Variants in INTS8 observed in about 807,000 individuals in gnomAD.
INTS8 encodes the protein protein kaonashi-1.
A neutral mutation model predicts 138.9 loss-of-function variants in INTS8; 47 were observed. That is an observed-to-expected ratio of 0.34 (90% CI 0.27 to 0.43). The LOEUF (loss-of-function observed/expected upper bound fraction) is 0.43. INTS8 is among the 20% of genes least tolerant of loss of function. INTS8 has a pLI of 1.00. For missense variants in INTS8, 996 were observed against 1,173.0 expected (o/e 0.85, Z 2.20); for synonymous variants, 392 against 400.9 (o/e 0.98, Z 0.27).
Position 94,859,493 on chromosome 8 carries a change from T to C in INTS8, c.1955-18T>C, listed in dbSNP as rs762651763. On this transcript the variant is annotated intron_variant, in intron 15 of 26. Coordinates refer to ENST00000523731, the MANE Select transcript of INTS8 (RefSeq NM_017864.4). ...TGTTGTGATGGTAATTCCAACTGTT[T>C]TCTTCTTTGCTTTTTAGATATTCCT... 8 of 1,609,832 alleles carry C rather than the reference T, an allele frequency of 5.0e-6. No homozygotes were observed. In the East Asian group the frequency reaches 1.6e-4, roughly 31 times the overall value.
intron 16 of INTS8, among the ~76,000 whole-genome samples, chr8:94,862,031 C>T (rs183667473): frequency 6.6e-6 from 1 of 152,196 alleles, no homozygotes; most frequent in Non-Finnish European, 1.5e-5. Flanking sequence ...ACCTCTACCT[C>T]CCAGTTTCAA....
In INTS8 at chr8:94,824,873, T is replaced by C. The variant is rs373130749; in HGVS notation, c.131-20T>C. On this transcript the variant is annotated intron_variant, in intron 1 of 26. Coordinates refer to ENST00000523731, the MANE Select transcript of INTS8 (RefSeq NM_017864.4). The stretch of plus-strand genomic sequence containing the variant: ...TAATTAAAACTTAAATTTAAGAATT[T>C]ATTTTCTTTTAAACCCTAGATCCTG... The C allele has an allele frequency of 3.9e-6, 6 of 1,523,048 alleles. No individual in the cohort carries two copies. The highest frequency in any genetic ancestry group is 3.0e-5 in the African/African-American group (2 of 67,354). 94.3% of individuals were successfully genotyped at this position (1,523,048 alleles called of 1,614,324 possible).
chr8:94,855,358 T>A (rs1815706096), intron 14 of INTS8, among the ~76,000 whole-genome samples: 1 of 152,172 alleles, frequency 6.6e-6, no homozygotes, highest in African/African-American at 2.4e-5. Flanking sequence ...ATGTGCTAAG[T>A]CTTCAAAATC....
intron 12 of INTS8, among the ~76,000 whole-genome samples, chr8:94,850,505 T>C (rs1487034944): frequency 6.6e-6 from 1 of 150,916 alleles, no homozygotes; most frequent in African/African-American, 2.4e-5. Flanking sequence ...CCAGCTACTC[T>C]GGAGGCTGAG....
At chr8:94,867,469 C>T (rs1816221652) in intron 20 of INTS8, 132 bp downstream of exon 20, 7 of 576,414 alleles carry the variant, frequency 1.2e-5, no homozygotes, top group Admixed American at 3.3e-5. Context: ...TTGTGTTTCT[C>T]TATTATGATA....
rs546711760 is a variant in INTS8 at position 94,859,032 on chromosome 8, G to A, written c.1955-479G>A. On this transcript the variant is annotated intron_variant, in intron 15 of 26. Coordinates refer to ENST00000523731, the MANE Select transcript of INTS8 (RefSeq NM_017864.4). ...TATAATCCCAGCACTTTGGGAGTCC[G>A]AGGCGGGCAGATCACTGGAGTCCAG... 2.1e-4 allele frequency among the ~76,000 whole-genome samples: 32 copies of A among 152,232 alleles called. No individual in the cohort carries two copies. The East Asian group carries it at 5.4e-3, about 26-fold the overall frequency.
chr8:94,854,003 G>T (rs918597001), intron 14 of INTS8, 88 bp downstream of exon 14: 3 of 759,642 alleles, frequency 3.9e-6, no homozygotes, highest in Admixed American at 1.9e-5. Context: ...AGCACTTTGG[G>T]AGTCTGAGGT....
Position 94,836,553 on chromosome 8 carries a change from C to T in INTS8, c.783C>T (p.Phe261=), listed in dbSNP as rs1428820477. 1.2e-6 allele frequency: 2 copies of T among 1,613,886 alleles called. No individual in the cohort carries two copies. The highest frequency in any genetic ancestry group is 1.7e-6 in the Non-Finnish European group (2 of 1,179,906). Residue 261 remains phenylalanine (F), a synonymous_variant, in exon 7 of 27, where the codon TTC becomes TTT. Transcript: ENST00000523731. ...QVCYDLGAAY[F]QQGSTNSAVY... is the part of the protein sequence containing the mutation. ...GCTATGATTTGGGCGCAGCATACTT[C>T]CAGCAAGGCTCCACAAATTCAGCTG... is the stretch of plus-strand genomic sequence containing the variant.
chr8:94,862,877 G>A (rs1409775834), intron 16 of INTS8, among the ~76,000 whole-genome samples: 1 of 142,012 alleles, frequency 7.0e-6, no homozygotes, highest in Admixed American at 7.0e-5. Flanking sequence ...GCACACACGT[G>A]TAGGAAAAAG....
chr8:94,841,674 T>G (rs867907049), intron 9 of INTS8, 83 bp downstream of exon 9: 1 of 732,742 alleles, frequency 1.4e-6, no homozygotes, highest in Non-Finnish European at 2.4e-6. Flanking sequence ...ATTTTCAAAT[T>G]TCCTATGGCT....
chr8:94,853,765 CTA>C (rs1197115627), intron 13 of INTS8, 38 bp from the exon 14 acceptor site: 3 of 1,146,930 alleles, frequency 2.6e-6, no homozygotes, highest in Non-Finnish European at 3.9e-6. Context: ...TTGGCTTCCT[CTA>C]TGTGTGCATA....
At chr8:94,858,410 A>G (rs1414012044) in intron 15 of INTS8, among the ~76,000 whole-genome samples, 1 of 152,222 alleles carries the variant, frequency 6.6e-6, no homozygotes. Flanking sequence ...TAAATATTGT[A>G]ATGTCTTCAT....
At chr8:94,829,959 C>T (rs1309989421) in intron 5 of INTS8, among the ~76,000 whole-genome samples, 4 of 152,110 alleles carry the variant, frequency 2.6e-5, no homozygotes, top group Admixed American at 1.3e-4. Flanking sequence ...AGTGCAGTGG[C>T]GGAGTCAGCT....
Position 94,873,413 on chromosome 8 carries a change from A to G in INTS8, c.2573A>G (p.Gln858Arg). The G allele has an allele frequency of 7.4e-6, 12 of 1,613,986 alleles. No individual in the cohort carries two copies. The highest frequency in any genetic ancestry group is 1.0e-5 in the Non-Finnish European group (12 of 1,179,860). ...QYSAALHYYL[Q>R]AGAVCSDFFN... ...TCAGCAGCTCTTCACTATTACCTCC[A>G]GGCAGGAGCTGTGTGTTCTGACTTC... The change falls in exon 22 of 27, where the codon CAG becomes CGG. Residue 858 changes from glutamine (Q) to arginine (R), a missense_variant. By Grantham distance (43) the Gln-to-Arg change is conservative (BLOSUM62 1). Coordinates refer to ENST00000523731, the MANE Select transcript of INTS8 (RefSeq NM_017864.4).
At chr8:94,871,295 C>T (rs926706642) in intron 20 of INTS8, among the ~76,000 whole-genome samples, 7 of 142,832 alleles carry the variant, frequency 4.9e-5, no homozygotes, top group African/African-American at 7.9e-5. Context: ...GGTGAAACCC[C>T]GTCTCTACTA....
Position 94,881,479 on chromosome 8 carries a change from A to G in INTS8, c.*1245A>G, listed in dbSNP as rs1267637557. ...ATAATTAAATGTATTCTTTAGTGCCAATTGTAAGTTTTAAAATCAGAATGG... is the reference window on the plus strand; with the variant it reads ...ATAATTAAATGTATTCTTTAGTGCCGATTGTAAGTTTTAAAATCAGAATGG... On this transcript the variant is annotated 3_prime_UTR_variant, in exon 27 of 27. Transcript: ENST00000523731. 2 of 665,962 alleles carry G rather than the reference A, an allele frequency of 3.0e-6. No homozygotes were observed. The highest frequency in any genetic ancestry group is 3.6e-5 in the African/African-American group (2 of 54,850). The allele number at this position is 665,962 out of a possible 1,614,324, so 41.3% of individuals were successfully genotyped here.
At chr8:94,832,945 C>T (rs917869327) in intron 6 of INTS8, among the ~76,000 whole-genome samples, 1 of 151,914 alleles carries the variant, frequency 6.6e-6, no homozygotes, top group Non-Finnish European at 1.5e-5. Flanking sequence ...TGAGCCACCG[C>T]GCCCGGCCGT....
rs1434818030 is a variant in INTS8, at chr8:94,823,331, C to G, written c.-101C>G. 2 of 1,513,444 alleles carry G rather than the reference C, an allele frequency of 1.3e-6. No homozygotes were observed. Among genetic ancestry groups the G allele is most frequent in the Non-Finnish European group, 1.8e-6 (2 of 1,135,018 alleles). The allele number at this position is 1,513,444 out of a possible 1,614,324, so 93.8% of individuals were successfully genotyped here. ...GTTTCCGGGACGTTCGGAGGGTGGC[C>G]TCTCTCCCACCGGGTTCCGCATACC... On this transcript the variant is annotated 5_prime_UTR_variant, in exon 1 of 27. Transcript: ENST00000523731.
rs1201800178 is a variant in INTS8, at chr8:94,827,340, T to C, written c.383T>C (p.Val128Ala). Residue 128 changes from valine (V) to alanine (A), a missense_variant, in exon 3 of 27, where the codon GTA becomes GCA. Physicochemically the swap from Val to Ala is moderately conservative, Grantham distance 64. Transcript: ENST00000523731. ...AAAGTTCCTCCTGGGACAAAGCATG[T>C]AGACATGGATCTGGCCACTTTACCT... is the stretch of plus-strand genomic sequence containing the variant. ...ISKVPPGTKH[V>A]DMDLATLPPT... is the part of the protein sequence containing the mutation. The C allele has an allele frequency of 6.2e-7, 1 of 1,613,848 alleles. No homozygotes were observed. The highest frequency in any genetic ancestry group is 8.5e-7 in the Non-Finnish European group (1 of 1,179,672).
Sources: gnomAD v4.1 joint callset for allele counts (sites outside exome capture counted in the v4.1 genomes callset) on GRCh38, gnomAD v4.1.1 for gene constraint, MANE v1.5 for transcripts, NCBI Gene and HGNC (gene_info 2026-07-23, HGNC 2026-07-21) for gene names.